The following KCNAB1 variants were observed in gnomAD, a reference collection of about 807,000 sequenced individuals.
KCNAB1 encodes voltage-gated potassium channel subunit beta-1.
In KCNAB1, 35 loss-of-function variants were observed where a neutral mutation model predicts 64.6. That is an observed-to-expected ratio of 0.54 (90% CI 0.41 to 0.72). The LOEUF is 0.72. Ranked by LOEUF, KCNAB1 falls within the 30% of genes least tolerant of loss-of-function variation. The pLI is 0.00. For synonymous variants in KCNAB1, 177 were observed against 183.8 expected, an observed-to-expected ratio of 0.96 and a Z score of 0.30; for missense variants, 401 against 512.9, an observed-to-expected ratio of 0.78 and a Z score of 2.11.
intron 2 of KCNAB1, among the ~76,000 whole-genome samples, chr3:156,423,846 G>A (rs1044841781): frequency 6.6e-6 from 1 of 152,162 alleles, no homozygotes; most frequent in African/African-American, 2.4e-5. Context: ...GCTAAAATGA[G>A]GGAGCTGAGG....
upstream of KCNAB1, among the ~76,000 whole-genome samples, chr3:156,120,343 C>T (rs908861627): frequency 2.6e-5 from 4 of 152,178 alleles, no homozygotes; most frequent in Non-Finnish European, 4.4e-5. Context: ...CACTGCCAAA[C>T]TTCAGTATTA....
chr3:156,512,582 G>A (rs1717285242), intron 8 of KCNAB1, among the ~76,000 whole-genome samples: 1 of 152,222 alleles, frequency 6.6e-6, no homozygotes, highest in Non-Finnish European at 1.5e-5. Flanking sequence ...AAGGGAGCTG[G>A]TGCAGTGATG....
chr3:156,479,945 G>A (rs1014926166), intron 8 of KCNAB1, among the ~76,000 whole-genome samples: 1 of 152,120 alleles, frequency 6.6e-6, no homozygotes, highest in Non-Finnish European at 1.5e-5. Context: ...GTGTTGTCAT[G>A]TGAAAGCAGG....
chr3:156,429,485 T>A (rs111245604), intron 2 of KCNAB1, among the ~76,000 whole-genome samples: 2,312 of 152,302 alleles, frequency 0.015, 28 homozygotes, highest in South Asian at 0.034. Context: ...CCAAGAGAAC[T>A]TTCTAGAGCA....
intron 8 of KCNAB1, among the ~76,000 whole-genome samples, chr3:156,496,706 A>G (rs1716037847): frequency 6.6e-6 from 1 of 152,188 alleles, no homozygotes; most frequent in Non-Finnish European, 1.5e-5. Flanking sequence ...ATGTCTTACC[A>G]TGATAAACCT....
At chr3:156,275,700 A>G (rs1345132890) in intron 1 of KCNAB1, among the ~76,000 whole-genome samples, 1 of 152,212 alleles carries the variant, frequency 6.6e-6, no homozygotes, top group Non-Finnish European at 1.5e-5. Flanking sequence ...TTCTTTGCTC[A>G]TTCATAAGAA....
At chr3:156,307,869 C>T (rs954928643) in intron 1 of KCNAB1, among the ~76,000 whole-genome samples, 6 of 152,214 alleles carry the variant, frequency 3.9e-5, no homozygotes, top group African/African-American at 7.2e-5. Context: ...AATTCTTAAC[C>T]GTATGATTTG....
intron 2 of KCNAB1, among the ~76,000 whole-genome samples, chr3:156,425,246 A>C (rs958168469): frequency 6.6e-6 from 1 of 152,232 alleles, no homozygotes; most frequent in Admixed American, 6.5e-5. Flanking sequence ...GAAATACTCT[A>C]AAAGTGATAG....
chr3:156,279,878 G>C (rs1474286650), intron 1 of KCNAB1, among the ~76,000 whole-genome samples: 7 of 149,412 alleles, frequency 4.7e-5, no homozygotes, highest in African/African-American at 1.2e-4. Context: ...CCCTTTGTCA[G>C]ATGAGTAGGT....
chr3:156,423,539 C>T (rs921809270), intron 2 of KCNAB1, among the ~76,000 whole-genome samples: 11 of 151,978 alleles, frequency 7.2e-5, no homozygotes, highest in Admixed American at 5.2e-4. Context: ...AGAAGACATG[C>T]GGGACAGAAG....
intron 1 of KCNAB1, among the ~76,000 whole-genome samples, chr3:156,333,617 G>A (rs1380433037): frequency 2.0e-5 from 3 of 152,202 alleles, no homozygotes; most frequent in East Asian, 1.9e-4. Context: ...ATGCATTTTT[G>A]TATACAGCTA....
intron 13 of KCNAB1, among the ~76,000 whole-genome samples, chr3:156,532,669 C>T (rs1228286531): frequency 1.3e-5 from 2 of 152,166 alleles, no homozygotes; most frequent in African/African-American, 4.8e-5. Flanking sequence ...ACTGTGCAGC[C>T]GTGTAATCAC....
intron 1 of KCNAB1, among the ~76,000 whole-genome samples, chr3:156,193,148 T>G (rs1246335513): frequency 2.6e-5 from 4 of 152,250 alleles, no homozygotes; most frequent in African/African-American, 9.6e-5. Context: ...TTTTTTAGTT[T>G]ATTAGTTATA....
intron 8 of KCNAB1, among the ~76,000 whole-genome samples, chr3:156,481,798 T>C (rs571010259): frequency 2.6e-5 from 4 of 152,258 alleles, no homozygotes; most frequent in Admixed American, 1.3e-4. Context: ...GCTACTATCC[T>C]CACAGAGGCT....
At chr3:156,288,293 G>C (rs377352386) in intron 1 of KCNAB1, among the ~76,000 whole-genome samples, 3 of 152,142 alleles carry the variant, frequency 2.0e-5, no homozygotes, top group Non-Finnish European at 2.9e-5. Flanking sequence ...ACATTCTGAG[G>C]TACTGGGGGT....
At chr3:156,443,216 C>T in intron 2 of KCNAB1, among the ~76,000 whole-genome samples, 1 of 152,150 alleles carries the variant, frequency 6.6e-6, no homozygotes, top group East Asian at 1.9e-4. Flanking sequence ...GCCCCCTCAA[C>T]AGGCCCCAGT....
chr3:156,300,338 G>A (rs901923656), intron 1 of KCNAB1, among the ~76,000 whole-genome samples: 1 of 152,194 alleles, frequency 6.6e-6, no homozygotes, highest in Non-Finnish European at 1.5e-5. Flanking sequence ...GCCTCATAAG[G>A]TTGCTGGTAC....
At chr3:156,169,059 G>A (rs1241445420) in intron 1 of KCNAB1, among the ~76,000 whole-genome samples, 1 of 152,090 alleles carries the variant, frequency 6.6e-6, no homozygotes, top group African/African-American at 2.4e-5. Context: ...ATTTATTATT[G>A]TAATTTACTG....
chr3:156,336,831 C>T (rs1723744973), intron 1 of KCNAB1, among the ~76,000 whole-genome samples: 9 of 152,172 alleles, frequency 5.9e-5, no homozygotes, highest in Admixed American at 5.9e-4. Flanking sequence ...CAATCATGCC[C>T]AGATTCATAA....
Sources: allele counts gnomAD v4.1 joint callset (sites outside exome capture counted in the v4.1 genomes callset), GRCh38; gene constraint gnomAD v4.1.1; transcripts MANE v1.5; gene names NCBI Gene and HGNC (gene_info 2026-07-23, HGNC 2026-07-21).